Variants in RARB observed in about 807,000 individuals in gnomAD.
RARB encodes HBV-activated protein.
RARB carries 17 observed loss-of-function variants against 51.9 expected under a neutral mutation model. The ratio of observed to expected loss-of-function variants is 0.33; its 90% CI spans 0.22 to 0.49. The LOEUF (loss-of-function observed/expected upper bound fraction) is 0.49, where lower values mean the gene tolerates loss of function less well. RARB is among the 20% of genes least tolerant of loss of function. RARB has a pLI of 0.99. For synonymous variants in RARB, 215 were observed against 195.4 expected, an observed-to-expected ratio of 1.10 and a Z score of -0.84; for missense variants, 369 against 550.8, an observed-to-expected ratio of 0.67 and a Z score of 3.30.
intron 5 of RARB, among the ~76,000 whole-genome samples, chr3:25,326,460 A>G (rs1704719551): frequency 6.6e-6 from 1 of 152,256 alleles, no homozygotes; most frequent in African/African-American, 2.4e-5. Flanking sequence ...TGTCTAATTT[A>G]GACTATTTTT....
chr3:25,586,309 G>T (rs936837722), intron 5 of RARB, among the ~76,000 whole-genome samples: 2 of 151,988 alleles, frequency 1.3e-5, no homozygotes, highest in Non-Finnish European at 2.9e-5. Flanking sequence ...AGCTCTTAAG[G>T]CATAGCGTAA....
intron 3 of RARB, among the ~76,000 whole-genome samples, chr3:25,532,075 T>C (rs1012687712): frequency 6.6e-6 from 1 of 152,164 alleles, no homozygotes; most frequent in East Asian, 1.9e-4. Context: ...CTTGACATGA[T>C]TTATTTTATT....
At chr3:25,045,720 G>A (rs1474566981) in intron 2 of RARB, among the ~76,000 whole-genome samples, 1 of 152,178 alleles carries the variant, frequency 6.6e-6, no homozygotes, top group Non-Finnish European at 1.5e-5. Flanking sequence ...TTAAGGAATT[G>A]AATCTGTTAC....
chr3:25,362,339 C>T (rs183954639), intron 5 of RARB, among the ~76,000 whole-genome samples: 5 of 152,274 alleles, frequency 3.3e-5, no homozygotes, highest in Non-Finnish European at 5.9e-5. Context: ...GCCCCTCCCC[C>T]GACCAAACTC....
rs1327793278 is a variant in RARB, at chr3:24,990,128, T to G, written c.-379-69997T>G. On this transcript the variant is annotated intron_variant, in intron 2 of 11. Transcript: ENST00000383772. ...TTTTTAATATAATGGAACTTTTCTT[T>G]TTTTTTTTTGTTATTTCACTATTGT... is the stretch of plus-strand genomic sequence containing the variant. Among the ~76,000 whole-genome samples, 8 of 101,360 alleles carry G rather than the reference T, an allele frequency of 7.9e-5. 3 individuals are homozygous for G. The highest frequency in any genetic ancestry group is 3.2e-4 in the African/African-American group (8 of 25,158). The allele number at this position is 101,360 out of a possible 152,430, so 66.5% of individuals were successfully genotyped here.
chr3:24,882,063 T>C (rs1703178009), intron 2 of RARB, among the ~76,000 whole-genome samples: 1 of 152,196 alleles, frequency 6.6e-6, no homozygotes, highest in African/African-American at 2.4e-5. Context: ...AGTCTAATAG[T>C]GACTTGTATT....
intron 2 of RARB, among the ~76,000 whole-genome samples, chr3:25,463,690 G>A (rs772224083): frequency 2.0e-5 from 3 of 151,644 alleles, no homozygotes; most frequent in African/African-American, 7.3e-5. Context: ...GTACAAATGC[G>A]TAAATGTCAC....
At chr3:25,321,607 C>G (rs956790884) in intron 5 of RARB, among the ~76,000 whole-genome samples, 2 of 151,830 alleles carry the variant, frequency 1.3e-5, no homozygotes, top group African/African-American at 4.8e-5. Flanking sequence ...ATCCCAGCTA[C>G]TCGGGAGGCT....
At chr3:25,242,192 A>C (rs552991083) in intron 5 of RARB, among the ~76,000 whole-genome samples, 35 of 152,028 alleles carry the variant, frequency 2.3e-4, no homozygotes, top group African/African-American at 8.2e-4. Context: ...TTCCTTGTAG[A>C]TTCTGGATAT....
At chr3:24,946,204 C>A (rs1024086581) in intron 2 of RARB, among the ~76,000 whole-genome samples, 1 of 146,562 alleles carries the variant, frequency 6.8e-6, no homozygotes, top group Non-Finnish European at 1.5e-5. Flanking sequence ...GCAGAGCTTG[C>A]AGTGAGCCGA....
In RARB at chr3:24,830,941, G is replaced by C. The variant is rs558954454; in HGVS notation, c.-459+1538G>C. 1.0e-3 allele frequency among the ~76,000 whole-genome samples: 154 copies of C among 152,260 alleles called. 2 individuals are homozygous for C. In the Middle Eastern group the frequency reaches 0.01, roughly 10 times the overall value. The stretch of plus-strand genomic sequence containing the variant: ...AGAGCCCTGAAGCTAAAATTTTACA[G>C]GATGGGGGTGCAATAAGTTTGATTA... On this transcript the variant is annotated intron_variant, in intron 1 of 11. Transcript: ENST00000383772.
chr3:24,847,928 G>T (rs1322719588), intron 1 of RARB, among the ~76,000 whole-genome samples: 1 of 152,222 alleles, frequency 6.6e-6, no homozygotes, highest in East Asian at 1.9e-4. Context: ...CACTTCAACT[G>T]TAAGTGGACT....
chr3:25,336,294 C>T (rs1169640942), intron 5 of RARB, among the ~76,000 whole-genome samples: 1 of 152,118 alleles, frequency 6.6e-6, no homozygotes, highest in Non-Finnish European at 1.5e-5. Flanking sequence ...ATGAGAATGA[C>T]ATACATGCTT....
At chr3:24,979,547 C>A (rs899155511) in intron 2 of RARB, among the ~76,000 whole-genome samples, 5 of 151,682 alleles carry the variant, frequency 3.3e-5, no homozygotes, top group Admixed American at 2.0e-4. Flanking sequence ...TTATCAGAGG[C>A]CAGGATTGCA....
chr3:25,281,635 T>A (rs1382160148), intron 5 of RARB, among the ~76,000 whole-genome samples: 2 of 152,208 alleles, frequency 1.3e-5, no homozygotes, highest in Non-Finnish European at 2.9e-5. Flanking sequence ...GATCAATTAA[T>A]TAGAAGCTAT....
chr3:24,939,249 C>G (rs914861177), intron 2 of RARB, among the ~76,000 whole-genome samples: 6 of 152,126 alleles, frequency 3.9e-5, no homozygotes, highest in Non-Finnish European at 8.8e-5. Flanking sequence ...AATTTGTTTC[C>G]ACATTTTGTG....
intron 1 of RARB, among the ~76,000 whole-genome samples, chr3:25,439,967 G>A (rs748666209): frequency 5.9e-5 from 9 of 152,222 alleles, no homozygotes; most frequent in African/African-American, 9.6e-5. Flanking sequence ...GACATTCTTC[G>A]TGCACTGTAC....
At chr3:25,341,940 A>G (rs1264209900) in intron 5 of RARB, among the ~76,000 whole-genome samples, 1 of 152,178 alleles carries the variant, frequency 6.6e-6, no homozygotes, top group Admixed American at 6.5e-5. Context: ...CATGTATCAC[A>G]ATTATAATTA....
intron 3 of RARB, among the ~76,000 whole-genome samples, chr3:25,123,988 C>T (rs1424471884): frequency 1.3e-5 from 2 of 152,186 alleles, no homozygotes; most frequent in East Asian, 1.9e-4. Flanking sequence ...TACTCAGATA[C>T]ACCCCTTAGT....
Sources: gnomAD v4.1 joint callset for allele counts (sites outside exome capture counted in the v4.1 genomes callset) on GRCh38, gnomAD v4.1.1 for gene constraint, MANE v1.5 for transcripts, NCBI Gene and HGNC (gene_info 2026-07-23, HGNC 2026-07-21) for gene names.